MRPS6: variants seen among roughly 807,000 people sequenced by gnomAD.
MRPS6 encodes the protein small ribosomal subunit protein bS6m.
Under a neutral mutation model 13.1 loss-of-function variants are expected in MRPS6, and 6 were observed. That is an observed-to-expected ratio of 0.46 (90% CI 0.25 to 0.91). The LOEUF (loss-of-function observed/expected upper bound fraction) is 0.91. MRPS6 is among the 40% of genes least tolerant of loss of function. MRPS6 has a pLI of 0.18. For missense variants in MRPS6, 164 were observed against 155.6 expected (o/e 1.05, Z -0.29); for synonymous variants, 61 against 56.5 (o/e 1.08, Z -0.36).
chr21:34,103,875 TA>T (rs1185520599), intron 1 of MRPS6: 1 of 1,000,114 alleles, frequency 1.0e-6, no homozygotes, highest in Non-Finnish European at 1.2e-6. Context: ...GAGGGCTTTT[TA>T]CTGCAACTTG....
rs567855907 is a variant in MRPS6, at chr21:34,099,288, C to G, written c.45+25543C>G. The G allele has an allele frequency of 1.7e-5, 17 of 1,000,194 alleles. No individual in the cohort carries two copies. The South Asian group carries it at 7.1e-4, about 41-fold the overall frequency. 62.0% of individuals were successfully genotyped at this position (1,000,194 alleles called of 1,614,324 possible). ...TTTGGAAGTTGAGGCTGCGACATGT[C>G]CAAGGTTATGAAGTCTCTTTTGGGA... On this transcript the variant is annotated intron_variant, in intron 1 of 2. Coordinates refer to ENST00000399312, the MANE Select transcript of MRPS6 (RefSeq NM_032476.4).
chr21:34,125,448 C>G lies in MRPS6; in HGVS notation c.153C>G (p.Ile51Met). The G allele has an allele frequency of 6.2e-7, 1 of 1,614,096 alleles. No individual in the cohort carries two copies. Among genetic ancestry groups the G allele is most frequent in the South Asian group, 1.1e-5 (1 of 91,084 alleles). The change falls in exon 2 of 3, where the codon ATC becomes ATG. Residue 51 changes from isoleucine (I) to methionine (M), a missense_variant. Ile to Met is a conservative substitution (Grantham distance 10, BLOSUM62 1). Transcript: ENST00000399312. ...GTGAACGAGCGCTTCCTTATAGGATCTCTGCCCACAGTCAGCAGCACAACA... is the reference window on the plus strand; with the variant it reads ...GTGAACGAGCGCTTCCTTATAGGATGTCTGCCCACAGTCAGCAGCACAACA... ...NLGERALPYR[I>M]SAHSQQHNRG...
chr21:34,092,556 G>A (rs925908814), intron 1 of MRPS6, among the ~76,000 whole-genome samples: 1 of 152,208 alleles, frequency 6.6e-6, no homozygotes, highest in African/African-American at 2.4e-5. Flanking sequence ...GCTAGCATGA[G>A]AACTTCATGC....
At position 34,096,034 on chromosome 21, in the gene MRPS6, A is replaced by AC. The variant is rs1395680619; in HGVS notation, c.45+22291dup. On this transcript the variant is annotated intron_variant, in intron 1 of 2. Transcript: ENST00000399312. The surrounding 1 kb of genome is among the most constrained non-coding windows in gnomAD (Gnocchi z 5.9). Reference sequence around the variant, plus strand: ...GCTTCAGTATGGTACTGGTGTGCTGACCAAGTCATCGTGCAGAGGGTCCTT... The same window carrying AC: ...GCTTCAGTATGGTACTGGTGTGCTGACCCAAGTCATCGTGCAGAGGGTCCTT... 6.2e-7 allele frequency: 1 copy of AC among 1,614,138 alleles called. No individual in the cohort carries two copies. Among genetic ancestry groups the AC allele is most frequent in the Non-Finnish European group, 8.5e-7 (1 of 1,179,994 alleles).
rs80203208 is a variant in MRPS6, at chr21:34,075,280, A to G, written c.45+1535A>G. Among the ~76,000 whole-genome samples, 182 of 152,332 alleles carry G rather than the reference A, an allele frequency of 1.2e-3. 2 individuals are homozygous for G. In the East Asian group the frequency reaches 0.03, roughly 25 times the overall value. On this transcript the variant is annotated intron_variant, in intron 1 of 2. Transcript: ENST00000399312. ...TGAAAGAGGCAACCTGTAGGCAATA[A>G]TATTTGCTCATTCTGTAACCCTTTG...
In MRPS6 at chr21:34,097,086, G is replaced by T. The variant is rs751408052; in HGVS notation, c.45+23341G>T. 3 of 1,613,926 alleles carry T rather than the reference G, an allele frequency of 1.9e-6. No individual in the cohort carries two copies. The African/African-American group carries it at 4.0e-5, about 22-fold the overall frequency. On this transcript the variant is annotated intron_variant, in intron 1 of 2. Coordinates refer to ENST00000399312, the MANE Select transcript of MRPS6 (RefSeq NM_032476.4). ...TTCAGAGGCAGAAACACCAGTTGAC[G>T]CTTACTCCAATGGGCAAGCAGCTCT... is the stretch of plus-strand genomic sequence containing the variant.
rs933858280 is a variant in MRPS6 at position 34,133,055 on chromosome 21, G to A, written c.185+7575G>A. On this transcript the variant is annotated intron_variant, in intron 2 of 2. Coordinates refer to ENST00000399312, the MANE Select transcript of MRPS6 (RefSeq NM_032476.4). Reference sequence around the variant, plus strand: ...GGCTGCTGGACCCCAACCAACACTCGGCACCACTTTCTCTTCTTCCCTTTC... The same window carrying A: ...GGCTGCTGGACCCCAACCAACACTCAGCACCACTTTCTCTTCTTCCCTTTC... 3.3e-5 allele frequency among the ~76,000 whole-genome samples: 5 copies of A among 152,118 alleles called. No individual in the cohort carries two copies. In the East Asian group the frequency reaches 5.8e-4, roughly 18 times the overall value.
intron 1 of MRPS6, among the ~76,000 whole-genome samples, chr21:34,119,077 CTG>C (rs1980030271): frequency 6.6e-6 from 1 of 152,080 alleles, no homozygotes; most frequent in African/African-American, 2.4e-5. Flanking sequence ...AAAGTAGTTT[CTG>C]TGTTCGATAA....
chr21:34,101,429 T>C (rs1444103129), intron 1 of MRPS6: 1 of 1,000,048 alleles, frequency 1.0e-6, no homozygotes, highest in African/African-American at 1.7e-5. Context: ...ATTTGTAAGA[T>C]TTTGCATTAG....
At chr21:34,100,979 C>T in intron 1 of MRPS6, 3 of 1,000,126 alleles carry the variant, frequency 3.0e-6, no homozygotes, top group Non-Finnish European at 3.6e-6. Context: ...TCATTTTCAT[C>T]AGAGGCATGA....
At chr21:34,108,451 A>T (rs1427727726) in intron 1 of MRPS6, among the ~76,000 whole-genome samples, 1 of 152,180 alleles carries the variant, frequency 6.6e-6, no homozygotes, top group Non-Finnish European at 1.5e-5. Context: ...AGGTGTGCAG[A>T]AGTACACTTT....
intron 2 of MRPS6, among the ~76,000 whole-genome samples, chr21:34,133,520 AT>A (rs1386124542): frequency 6.6e-6 from 1 of 152,246 alleles, no homozygotes; most frequent in East Asian, 1.9e-4. Flanking sequence ...GAACAATATC[AT>A]AAGTAAGACC....
At chr21:34,100,663 T>C in intron 1 of MRPS6, 4 of 1,000,184 alleles carry the variant, frequency 4.0e-6, no homozygotes, top group Non-Finnish European at 4.8e-6. Context: ...TTTTAAGAAC[T>C]GAGTTGAGGG....
chr21:34,135,609 A>G (rs1980667706), intron 2 of MRPS6: 5 of 410,118 alleles, frequency 1.2e-5, no homozygotes, highest in South Asian at 7.7e-5. Context: ...TCTGATTCAC[A>G]TGGTGCAGTG....
At chr21:34,135,544 G>A (rs958158327) in intron 2 of MRPS6, 132 of 495,082 alleles carry the variant, frequency 2.7e-4, no homozygotes, top group Admixed American at 2.6e-3. Context: ...CTCAGCAATG[G>A]TCATGATCTC....
At chr21:34,121,613 G>A (rs1056655410) in intron 1 of MRPS6, among the ~76,000 whole-genome samples, 4 of 152,046 alleles carry the variant, frequency 2.6e-5, no homozygotes, top group African/African-American at 9.7e-5. Flanking sequence ...CTTTCAGATG[G>A]GGTGAGAGAA....
intron 1 of MRPS6, among the ~76,000 whole-genome samples, chr21:34,109,810 A>G (rs1397160352): frequency 6.6e-6 from 1 of 151,344 alleles, no homozygotes; most frequent in Non-Finnish European, 1.5e-5. Flanking sequence ...TGTACCTGAA[A>G]AAAAAAAATC....
chr21:34,106,714 A>T (rs1433776392), intron 1 of MRPS6, among the ~76,000 whole-genome samples: 1 of 152,194 alleles, frequency 6.6e-6, no homozygotes, highest in African/African-American at 2.4e-5. Flanking sequence ...CTTTGCGTGT[A>T]TATTTCTTAA....
At chr21:34,104,912 T>G (rs150052088) in intron 1 of MRPS6, 17,013 of 1,000,128 alleles carry the variant, frequency 0.017, 182 homozygotes, top group Non-Finnish European at 0.019. Flanking sequence ...GCCTTTCATC[T>G]ATAATTTCAT....
Sources: gnomAD v4.1 joint callset for allele counts (sites outside exome capture counted in the v4.1 genomes callset) on GRCh38, gnomAD v4.1.1 for gene constraint, Gnocchi (gnomAD v3.1) non-coding constraint, MANE v1.5 for transcripts, NCBI Gene and HGNC (gene_info 2026-07-23, HGNC 2026-07-21) for gene names.